Variants in CNTN5 observed in about 807,000 individuals in gnomAD.
The protein encoded by CNTN5 is contactin 5.
CNTN5 carries 77 observed loss-of-function variants against 129.1 expected under a neutral mutation model. That is an observed-to-expected ratio of 0.60 (90% CI 0.50 to 0.72). The LOEUF is 0.72. CNTN5 is among the 30% of genes least tolerant of loss of function. CNTN5 has a pLI of 0.00. For synonymous variants in CNTN5, 509 were observed against 465.6 expected (o/e 1.09, Z -1.20); for missense variants, 1,478 against 1,328.8 (o/e 1.11, Z -1.75).
chr11:99,412,047 G>A (rs1364522470), intron 2 of CNTN5, among the ~76,000 whole-genome samples: 1 of 152,154 alleles, frequency 6.6e-6, no homozygotes, highest in Non-Finnish European at 1.5e-5. Flanking sequence ...ATGGGGAAAT[G>A]AAGCTTTTAA....
chr11:99,825,600 C>G (rs1053336655), intron 4 of CNTN5, among the ~76,000 whole-genome samples: 1 of 151,966 alleles, frequency 6.6e-6, no homozygotes, highest in East Asian at 1.9e-4. Flanking sequence ...GACAAACTAT[C>G]TTAGTCTTTA....
intron 2 of CNTN5, among the ~76,000 whole-genome samples, chr11:99,374,833 A>C (rs1233222055): frequency 1.1e-5 from 1 of 91,180 alleles, no homozygotes; most frequent in Non-Finnish European, 3.3e-5. Context: ...GCAATAGAAA[A>C]CTCTGAAAGA....
chr11:99,832,994 A>G (rs966960170), intron 4 of CNTN5, among the ~76,000 whole-genome samples: 1 of 152,216 alleles, frequency 6.6e-6, no homozygotes, highest in East Asian at 1.9e-4. Flanking sequence ...ACAGAAGTTG[A>G]TGTTAAAAAG....
chr11:99,863,269 GTC>G lies in CNTN5; in HGVS notation c.577+18008_577+18009del, dbSNP rs1565617004. On this transcript the variant is annotated intron_variant, in intron 6 of 24. Coordinates refer to ENST00000524871, the MANE Select transcript of CNTN5 (RefSeq NM_014361.4). ...GCTTTTCTCTCCATAGAAGGACAAA[GTC>G]AATGAGAGATAATATAGAATGGGAA... is the stretch of plus-strand genomic sequence containing the variant. Among the ~76,000 whole-genome samples the G allele has an allele frequency of 2.0e-5, 3 of 152,092 alleles. No homozygotes were observed. In the East Asian group the frequency reaches 5.8e-4, roughly 29 times the overall value.
chr11:100,032,875 G>A (rs1166111526), intron 9 of CNTN5, among the ~76,000 whole-genome samples: 3 of 151,982 alleles, frequency 2.0e-5, no homozygotes, highest in South Asian at 2.1e-4. Flanking sequence ...GAAGATTTTG[G>A]TAGATTTCCA....
At chr11:99,916,021 GC>G (rs774416792) in intron 6 of CNTN5, 32 bp from the exon 7 acceptor site, 100 of 1,507,802 alleles carry the variant, frequency 6.6e-5, no homozygotes, top group Non-Finnish European at 9.0e-5. Flanking sequence ...ATTCTTTTCT[GC>G]CTTGGATCTA....
Position 99,847,858 on chromosome 11 carries a change from AAAAAG to A in CNTN5, c.577+2602_577+2606del, listed in dbSNP as rs141047610. ...AAACTGAGGTAGGAAGTTGGGGAGA[AAAAAG>A]AAAAGGGGTTCCTGAAATGAAGTGA... On this transcript the variant is annotated intron_variant, in intron 6 of 24. Coordinates refer to ENST00000524871, the MANE Select transcript of CNTN5 (RefSeq NM_014361.4). Among the ~76,000 whole-genome samples the A allele has an allele frequency of 6.7e-3, 1,019 of 152,242 alleles. 12 individuals are homozygous for A. Among genetic ancestry groups the A allele is most frequent in the African/African-American group, 0.022 (913 of 41,536 alleles).
chr11:99,249,548 G>A (rs547520360), intron 1 of CNTN5, among the ~76,000 whole-genome samples: 1 of 152,132 alleles, frequency 6.6e-6, no homozygotes, highest in Non-Finnish European at 1.5e-5. Flanking sequence ...TTTAACTCAT[G>A]TAATAAATAC....
chr11:99,218,798 C>A (rs571260098), intron 1 of CNTN5, among the ~76,000 whole-genome samples: 1 of 152,148 alleles, frequency 6.6e-6, no homozygotes, highest in South Asian at 2.1e-4. Context: ...TAATTCTGGA[C>A]AATACAATGT....
intron 1 of CNTN5, among the ~76,000 whole-genome samples, chr11:99,050,345 G>A (rs905229426): frequency 2.0e-5 from 3 of 151,854 alleles, no homozygotes; most frequent in Non-Finnish European, 2.9e-5. Context: ...AAAAAGAAGT[G>A]CAAAAGAAAT....
intron 2 of CNTN5, among the ~76,000 whole-genome samples, chr11:99,504,396 C>T (rs1419258739): frequency 1.3e-5 from 2 of 151,870 alleles, no homozygotes; most frequent in African/African-American, 4.8e-5. Context: ...AAAAAATTAG[C>T]CGGGCATAGT....
At chr11:99,042,343 A>G (rs1369291600) in intron 1 of CNTN5, among the ~76,000 whole-genome samples, 2 of 144,716 alleles carry the variant, frequency 1.4e-5, no homozygotes, top group South Asian at 4.4e-4. Context: ...CGTTCTGCAC[A>G]TGTACCTCCC....
intron 2 of CNTN5, among the ~76,000 whole-genome samples, chr11:99,395,087 T>C (rs1445309763): frequency 2.6e-5 from 4 of 151,904 alleles, no homozygotes; most frequent in African/African-American, 9.7e-5. Flanking sequence ...GAATGGTATC[T>C]CTATCTTTAG....
At chr11:100,030,690 TTCTC>T (rs200767718) in intron 9 of CNTN5, among the ~76,000 whole-genome samples, 1 of 150,790 alleles carries the variant, frequency 6.6e-6, no homozygotes. Context: ...GAGAAATATT[TTCTC>T]TCTTTCTAGC....
intron 1 of CNTN5, among the ~76,000 whole-genome samples, chr11:99,274,267 T>G (rs917074272): frequency 1.3e-5 from 2 of 151,824 alleles, no homozygotes; most frequent in Admixed American, 6.6e-5. Flanking sequence ...AATTTGAATC[T>G]ATGATATCGT....
chr11:100,336,931 G>A (rs956475034), intron 21 of CNTN5: 2 of 653,890 alleles, frequency 3.1e-6, no homozygotes, highest in Non-Finnish European at 5.6e-6. Context: ...TCCCCGGTAG[G>A]CTTTGGATCG....
At position 99,237,640 on chromosome 11, in the gene CNTN5, C is replaced by T. The variant is rs111307264; in HGVS notation, c.-209-87706C>T. On this transcript the variant is annotated intron_variant, in intron 1 of 24. Transcript: ENST00000524871. ...AGGTTGCAGTGAGCTGAGATCGTGCCACCGCACCCCAGCCTGATGACAAAA... is the reference window on the plus strand; with the variant it reads ...AGGTTGCAGTGAGCTGAGATCGTGCTACCGCACCCCAGCCTGATGACAAAA... Among the ~76,000 whole-genome samples, 585 of 151,780 alleles carry T rather than the reference C, an allele frequency of 3.9e-3. 3 individuals are homozygous for T. The highest frequency in any genetic ancestry group is 6.7e-3 in the Non-Finnish European group (458 of 67,954).
intron 1 of CNTN5, among the ~76,000 whole-genome samples, chr11:99,194,174 GCATA>G: frequency 6.6e-6 from 1 of 152,010 alleles, no homozygotes; most frequent in Non-Finnish European, 1.5e-5. Flanking sequence ...ATCCTCCAAA[GCATA>G]GATAAATTTT....
intron 6 of CNTN5, among the ~76,000 whole-genome samples, chr11:99,872,175 G>A (rs1390494927): frequency 1.3e-5 from 2 of 151,844 alleles, no homozygotes; most frequent in East Asian, 3.9e-4. Flanking sequence ...GTGTCCACCT[G>A]TTTTTATAAC....
Sources: gnomAD v4.1 joint callset for allele counts (sites outside exome capture counted in the v4.1 genomes callset) on GRCh38, gnomAD v4.1.1 for gene constraint, MANE v1.5 for transcripts, NCBI Gene and HGNC (gene_info 2026-07-23, HGNC 2026-07-21) for gene names.